The following SNAP25 variants were observed in gnomAD, a reference collection of about 807,000 sequenced individuals.
SNAP25 encodes the protein synaptosome associated protein 25.
SNAP25 carries 3 observed loss-of-function variants against 28.7 expected under a neutral mutation model. The ratio of observed to expected loss-of-function variants is 0.10; its 90% confidence interval spans 0.05 to 0.27. SNAP25 has a LOEUF of 0.27. SNAP25 is among the 10% of genes least tolerant of loss of function. The pLI is 1.00. For synonymous variants in SNAP25, 61 were observed against 88.1 expected (o/e 0.69, Z 1.72); for missense variants, 117 against 278.7 (o/e 0.42, Z 4.13).
At chr20:10,235,561 G>A (rs1424020731) in intron 1 of SNAP25, among the ~76,000 whole-genome samples, 1 of 152,214 alleles carries the variant, frequency 6.6e-6, no homozygotes, top group African/African-American at 2.4e-5. Context: ...GGATCCACAT[G>A]TCATCCAGGT....
intron 1 of SNAP25, among the ~76,000 whole-genome samples, chr20:10,255,374 T>G (rs992070107): frequency 4.6e-5 from 7 of 152,194 alleles, no homozygotes; most frequent in Admixed American, 3.3e-4. Flanking sequence ...AAATAACTCT[T>G]TGAGCTATAC....
At chr20:10,244,743 T>G (rs2063097665) in intron 1 of SNAP25, among the ~76,000 whole-genome samples, 1 of 151,466 alleles carries the variant, frequency 6.6e-6, no homozygotes, top group Admixed American at 6.6e-5. Flanking sequence ...CTTTTTTTTT[T>G]TTTTTGAGAT....
chr20:10,240,386 TAATTATACAC>T (rs2063004473), intron 1 of SNAP25, among the ~76,000 whole-genome samples: 2 of 152,214 alleles, frequency 1.3e-5, no homozygotes, highest in African/African-American at 4.8e-5. Flanking sequence ...TTGGGAGCCT[TAATTATACAC>T]GCAGGATCCA....
intron 1 of SNAP25, among the ~76,000 whole-genome samples, chr20:10,275,105 A>ATAAG (rs926576053): frequency 1.3e-5 from 2 of 151,596 alleles, no homozygotes; most frequent in African/African-American, 4.9e-5. Context: ...AAATAAATAA[A>ATAAG]TAAATAAATG....
intron 7 of SNAP25, among the ~76,000 whole-genome samples, chr20:10,301,652 ACC>A (rs2064238990): frequency 6.6e-6 from 1 of 151,784 alleles, no homozygotes; most frequent in African/African-American, 2.4e-5. Context: ...ATCTCTCATG[ACC>A]CCAACAGCAA....
At chr20:10,251,032 A>G (rs1050996248) in intron 1 of SNAP25, among the ~76,000 whole-genome samples, 2 of 152,200 alleles carry the variant, frequency 1.3e-5, no homozygotes, top group Non-Finnish European at 2.9e-5. Context: ...CCTAGAAGGT[A>G]TCCCCATCGT....
chr20:10,253,145 G>T (rs2063260748), intron 1 of SNAP25, among the ~76,000 whole-genome samples: 2 of 152,172 alleles, frequency 1.3e-5, no homozygotes, highest in African/African-American at 4.8e-5. Context: ...AGACCCTAAG[G>T]ACACTCAGAA....
At chr20:10,259,924 G>A (rs1313548736) in intron 1 of SNAP25, among the ~76,000 whole-genome samples, 1 of 152,158 alleles carries the variant, frequency 6.6e-6, no homozygotes, top group African/African-American at 2.4e-5. Flanking sequence ...GAGACCTCAG[G>A]TTTGGAAGAG....
Position 10,293,086 on chromosome 20 carries a change from G to A in SNAP25, c.164-75G>A. 1 of 1,428,024 alleles carries A rather than the reference G, an allele frequency of 7.0e-7. No homozygotes were observed. Among genetic ancestry groups the A allele is most frequent in the Non-Finnish European group, 9.6e-7 (1 of 1,042,666 alleles). 88.5% of individuals were successfully genotyped at this position (1,428,024 alleles called of 1,614,324 possible). On this transcript the variant is annotated intron_variant, in intron 4 of 7. Coordinates refer to ENST00000254976, the MANE Select transcript of SNAP25 (RefSeq NM_130811.4). This position sits in a 1 kb window ranked among gnomAD's most constrained non-coding sequence, Gnocchi z 5.6. ...TTTTTTAATGTCAAAGTGAATGTCT[G>A]AAGTTTTGTCTTTTTTTCTTTGTCC...
intron 7 of SNAP25, among the ~76,000 whole-genome samples, chr20:10,303,201 C>G (rs2064280269): frequency 6.6e-6 from 1 of 152,044 alleles, no homozygotes; most frequent in Admixed American, 6.5e-5. Flanking sequence ...ATTTCTGATA[C>G]CATTTGTAGC....
intron 1 of SNAP25, among the ~76,000 whole-genome samples, chr20:10,225,416 T>TG (rs1366853089): frequency 6.6e-6 from 1 of 151,962 alleles, no homozygotes; most frequent in African/African-American, 2.4e-5. Context: ...TAAAAAGAGA[T>TG]GGGGGGAAAT....
chr20:10,275,325 T>C (rs1202545461), intron 1 of SNAP25, 104 bp from the exon 2 acceptor site: 1 of 422,446 alleles, frequency 2.4e-6, no homozygotes, highest in Non-Finnish European at 4.2e-6. Context: ...ATCAGAAAAC[T>C]GAGTCATGTG....
At chr20:10,232,853 A>G (rs948754286) in intron 1 of SNAP25, among the ~76,000 whole-genome samples, 5 of 152,222 alleles carry the variant, frequency 3.3e-5, no homozygotes, top group Middle Eastern at 3.2e-3. Flanking sequence ...GCATTTAAGC[A>G]GAGACCAAAT....
chr20:10,256,489 T>A (rs543257323), intron 1 of SNAP25, among the ~76,000 whole-genome samples: 6 of 152,210 alleles, frequency 3.9e-5, no homozygotes, highest in African/African-American at 9.6e-5. Flanking sequence ...AAATGAACTT[T>A]TAACTCATTT....
chr20:10,280,521 C>T (rs940528093), intron 3 of SNAP25, among the ~76,000 whole-genome samples: 5 of 152,116 alleles, frequency 3.3e-5, no homozygotes, highest in African/African-American at 1.2e-4. Flanking sequence ...AAATTCAAGG[C>T]CATATTTGCC....
intron 1 of SNAP25, among the ~76,000 whole-genome samples, chr20:10,268,090 G>C (rs2063534509): frequency 6.6e-6 from 1 of 152,172 alleles, no homozygotes; most frequent in Admixed American, 6.5e-5. Flanking sequence ...ACTTAAAATA[G>C]TGCCCAACAA....
At chr20:10,271,641 C>T (rs776801736) in intron 1 of SNAP25, among the ~76,000 whole-genome samples, 1 of 152,230 alleles carries the variant, frequency 6.6e-6, no homozygotes, top group African/African-American at 2.4e-5. Flanking sequence ...GGGCGCCCTA[C>T]AGCTGTTCTT....
rs1156976826 is a variant in SNAP25, at chr20:10,293,088, A to G, written c.164-73A>G. 1 of 1,463,194 alleles carries G rather than the reference A, an allele frequency of 6.8e-7. No individual in the cohort carries two copies. The highest frequency in any genetic ancestry group is 9.3e-7 in the Non-Finnish European group (1 of 1,073,326). The allele number at this position is 1,463,194 out of a possible 1,614,324, so 90.6% of individuals were successfully genotyped here. On this transcript the variant is annotated intron_variant, in intron 4 of 7. Coordinates refer to ENST00000254976, the MANE Select transcript of SNAP25 (RefSeq NM_130811.4). The surrounding 1 kb of genome is among the most constrained non-coding windows in gnomAD (Gnocchi z 5.6). ...TTTTAATGTCAAAGTGAATGTCTGA[A>G]GTTTTGTCTTTTTTTCTTTGTCCTT...
chr20:10,275,856 T>C (rs993886970), intron 2 of SNAP25, among the ~76,000 whole-genome samples: 10 of 152,212 alleles, frequency 6.6e-5, no homozygotes, highest in African/African-American at 1.7e-4. Context: ...TTCAGTGCTA[T>C]GCTGGAGAAG....
Sources: allele counts gnomAD v4.1 joint callset (sites outside exome capture counted in the v4.1 genomes callset), GRCh38; gene constraint gnomAD v4.1.1; non-coding constraint Gnocchi (gnomAD v3.1); transcripts MANE v1.5; gene names NCBI Gene and HGNC (gene_info 2026-07-23, HGNC 2026-07-21).